The following TBC1D23 variants were observed in gnomAD, a reference collection of about 807,000 sequenced individuals.
TBC1D23 encodes the protein TBC1 domain family member 23.
In TBC1D23, 55 loss-of-function variants were observed where a neutral mutation model predicts 91.4. The ratio of observed to expected loss-of-function variants is 0.60; its 90% CI spans 0.48 to 0.75. The LOEUF (loss-of-function observed/expected upper bound fraction) is 0.75, where lower values mean the gene tolerates loss of function less well. TBC1D23 is among the 30% of genes least tolerant of loss of function. The probability of loss-of-function intolerance (pLI) is 0.00; values close to 1 mark genes in which losing one functional copy is unlikely to be tolerated. For synonymous variants in TBC1D23, 289 were observed against 281.0 expected (o/e 1.03, Z -0.28); for missense variants, 725 against 836.1 (o/e 0.87, Z 1.64).
intron 4 of TBC1D23, among the ~76,000 whole-genome samples, chr3:100,286,094 A>G (rs895647577): frequency 1.2e-4 from 19 of 152,196 alleles, no homozygotes; most frequent in Admixed American, 1.1e-3. Flanking sequence ...TTGAAGCCAT[A>G]CTGCTTTATG....
intron 1 of TBC1D23, among the ~76,000 whole-genome samples, chr3:100,262,583 G>T (rs1391937155): frequency 6.6e-6 from 1 of 151,802 alleles, no homozygotes; most frequent in Non-Finnish European, 1.5e-5. Context: ...AAATTAGCCG[G>T]GCGTGGTGGC....
chr3:100,277,187 A>G (rs934513911), intron 1 of TBC1D23, among the ~76,000 whole-genome samples: 1 of 152,234 alleles, frequency 6.6e-6, no homozygotes, highest in Non-Finnish European at 1.5e-5. Flanking sequence ...GCTAAATGCT[A>G]TAGAATTCTT....
intron 1 of TBC1D23, among the ~76,000 whole-genome samples, chr3:100,272,311 T>A (rs1051900690): frequency 6.6e-6 from 1 of 152,232 alleles, no homozygotes; most frequent in Non-Finnish European, 1.5e-5. Flanking sequence ...CTTTCTTAAG[T>A]AGCAGTTACT....
intron 13 of TBC1D23, among the ~76,000 whole-genome samples, chr3:100,309,522 T>C (rs1705580417): frequency 6.6e-6 from 1 of 152,100 alleles, no homozygotes; most frequent in Non-Finnish European, 1.5e-5. Flanking sequence ...GTCAGTAGTT[T>C]TAACTGTTTC....
chr3:100,283,444 G>T (rs2067712063), intron 3 of TBC1D23, among the ~76,000 whole-genome samples, 163 bp from the exon 4 acceptor site: 1 of 151,888 alleles, frequency 6.6e-6, no homozygotes, highest in South Asian at 2.1e-4. Context: ...GTGAACCAAT[G>T]ATTGTTAAAA....
Position 100,323,649 on chromosome 3 carries a change from TG to T in TBC1D23, c.2083del (p.Asp695MetfsTer16). ...ATAAAACAGCAGATCATGAAAGTTT[TG>T]GATGCTTTGGAAAGTTAATATAAAA... ...KAIKQQIMKV[L>X]DALES is the part of the protein sequence containing the mutation. On this transcript the variant is annotated frameshift_variant, in exon 19 of 19. Coordinates refer to ENST00000394144, the MANE Select transcript of TBC1D23 (RefSeq NM_001199198.3). LOFTEE classifies it high-confidence loss of function. The T allele has an allele frequency of 6.5e-7, 1 of 1,528,196 alleles. No individual in the cohort carries two copies. 94.7% of individuals were successfully genotyped at this position (1,528,196 alleles called of 1,614,324 possible). A position where few individuals can be genotyped will look rare whatever the true frequency, so the allele number is the denominator to read the frequency against.
Position 100,304,806 on chromosome 3 carries a change from C to A in TBC1D23, c.1264-40C>A. On this transcript the variant is annotated intron_variant, in intron 11 of 18. Coordinates refer to ENST00000394144, the MANE Select transcript of TBC1D23 (RefSeq NM_001199198.3). The stretch of plus-strand genomic sequence containing the variant: ...GAACTAGCTAAAGTTTTAATTAAGT[C>A]GCAGTTTTGGAAGAATTTAAATTTT... 6 of 995,394 alleles carry A rather than the reference C, an allele frequency of 6.0e-6. No homozygotes were observed. The South Asian group carries it at 6.5e-5, about 11-fold the overall frequency. 61.7% of individuals were successfully genotyped at this position (995,394 alleles called of 1,614,324 possible).
At chr3:100,274,319 G>A (rs1229537047) in intron 1 of TBC1D23, among the ~76,000 whole-genome samples, 1 of 152,042 alleles carries the variant, frequency 6.6e-6, no homozygotes, top group African/African-American at 2.4e-5. Flanking sequence ...AAGGTCACAT[G>A]GCTGTTGAAG....
intron 2 of TBC1D23, among the ~76,000 whole-genome samples, chr3:100,280,787 T>C (rs1280257777): frequency 6.6e-6 from 1 of 152,222 alleles, no homozygotes; most frequent in Non-Finnish European, 1.5e-5. Context: ...ATCCTCATCC[T>C]TTCCTCCCCA....
intron 15 of TBC1D23, among the ~76,000 whole-genome samples, chr3:100,312,170 G>T (rs1472252605): frequency 2.6e-5 from 4 of 152,144 alleles, no homozygotes; most frequent in African/African-American, 7.2e-5. Context: ...ACAGGGGAAG[G>T]TGAAACAAAG....
intron 4 of TBC1D23, among the ~76,000 whole-genome samples, chr3:100,288,319 C>G (rs80300082): frequency 0.015 from 2,232 of 151,888 alleles, 55 homozygotes; most frequent in African/African-American, 0.052. Context: ...CTTTTTACTT[C>G]ATTTTCTTTA....
At chr3:100,312,350 AAT>A (rs1162489138) in intron 15 of TBC1D23, among the ~76,000 whole-genome samples, 8 of 152,174 alleles carry the variant, frequency 5.3e-5, no homozygotes, top group Admixed American at 5.2e-4. Flanking sequence ...GATTTTTCTT[AAT>A]AAGATGTATG....
At chr3:100,266,749 T>C (rs1576155410) in intron 1 of TBC1D23, among the ~76,000 whole-genome samples, 1 of 152,242 alleles carries the variant, frequency 6.6e-6, no homozygotes, top group East Asian at 1.9e-4. Context: ...TCTGTAAGTA[T>C]AGTGAGCAAT....
chr3:100,273,779 C>G (rs112859081), intron 1 of TBC1D23, among the ~76,000 whole-genome samples: 2,702 of 152,178 alleles, frequency 0.018, 71 homozygotes, highest in African/African-American at 0.061. Context: ...GATTCCCTAT[C>G]TAATAAATGG....
At chr3:100,308,067 T>A in intron 13 of TBC1D23, among the ~76,000 whole-genome samples, 1 of 152,252 alleles carries the variant, frequency 6.6e-6, no homozygotes, top group Admixed American at 6.5e-5. Flanking sequence ...TTAGAAATTA[T>A]CTTAAAGAGC....
intron 4 of TBC1D23, among the ~76,000 whole-genome samples, chr3:100,286,857 C>T (rs181970319): frequency 7.1e-4 from 108 of 152,246 alleles, no homozygotes; most frequent in African/African-American, 2.5e-3. Context: ...CGCTCTGTTG[C>T]CAGGCTGGCG....
chr3:100,317,093 A>G (rs553332116), intron 16 of TBC1D23, among the ~76,000 whole-genome samples: 2 of 152,200 alleles, frequency 1.3e-5, no homozygotes, highest in Non-Finnish European at 2.9e-5. Flanking sequence ...AAAAAAAAAA[A>G]AAAAATTTAG....
intron 1 of TBC1D23, among the ~76,000 whole-genome samples, chr3:100,271,096 A>G (rs1016167173): frequency 6.6e-6 from 1 of 152,106 alleles, no homozygotes; most frequent in African/African-American, 2.4e-5. Flanking sequence ...TTTTTTTCCA[A>G]CCCAGAAAAC....
At chr3:100,307,708 C>T (rs1705538071) in intron 13 of TBC1D23, among the ~76,000 whole-genome samples, 3 of 152,288 alleles carry the variant, frequency 2.0e-5, no homozygotes, top group East Asian at 1.9e-4. Context: ...ATCACCATTA[C>T]TTAGTAAACG....
Sources: allele counts gnomAD v4.1 joint callset (sites outside exome capture counted in the v4.1 genomes callset), GRCh38; gene constraint gnomAD v4.1.1; transcripts MANE v1.5; gene names NCBI Gene and HGNC (gene_info 2026-07-23, HGNC 2026-07-21).